TNS1: variants seen among roughly 807,000 people sequenced by gnomAD.
The protein encoded by TNS1 is tensin-1.
In TNS1, 62 loss-of-function variants were observed where a neutral mutation model predicts 168.6. The observed-to-expected ratio is 0.37, with a 90% CI of 0.30 to 0.45. The LOEUF (loss-of-function observed/expected upper bound fraction) is 0.45, where lower values mean the gene tolerates loss of function less well. TNS1 is among the 20% of genes least tolerant of loss of function. The probability of loss-of-function intolerance (pLI) is 1.00; values close to 1 mark genes in which losing one functional copy is unlikely to be tolerated. For synonymous variants in TNS1, 934 were observed against 933.2 expected (o/e 1.00, Z -0.02); for missense variants, 2,240 against 2,339.4 (o/e 0.96, Z 0.88).
intron 18 of TNS1, among the ~76,000 whole-genome samples, chr2:217,877,218 T>C (rs777928043): frequency 3.9e-5 from 6 of 152,090 alleles, no homozygotes; most frequent in Admixed American, 6.5e-5. Context: ...CGTCCCACCA[T>C]AAACGGGCTT....
Position 218,032,638 on chromosome 2 carries a change from C to A in TNS1, c.156+1182G>T, listed in dbSNP as rs1256324332. Among the ~76,000 whole-genome samples, 1 of 152,118 alleles carries A rather than the reference C, an allele frequency of 6.6e-6. No individual in the cohort carries two copies. The highest frequency in any genetic ancestry group is 1.5e-5 in the Non-Finnish European group (1 of 67,994). On this transcript the variant is annotated intron_variant, in intron 1 of 1. Transcript: ENST00000649572. The surrounding 1 kb of genome is among the most constrained non-coding windows in gnomAD (Gnocchi z 4.0). ...AGCACCCAGGAGATGTTTATCTGCC[C>A]CAAGAACGAGGGTATCACCCCTCCT...
chr2:217,889,303 T>C (rs73078315), intron 12 of TNS1, among the ~76,000 whole-genome samples: 2 of 152,206 alleles, frequency 1.3e-5, no homozygotes, highest in Non-Finnish European at 2.9e-5. Context: ...ATGGCGGGAA[T>C]AGCCCCCAGC....
At chr2:217,988,927 T>C (rs895209044) in intron 2 of TNS1, among the ~76,000 whole-genome samples, 45 of 152,146 alleles carry the variant, frequency 3.0e-4, no homozygotes, top group South Asian at 2.1e-4. Context: ...GTGCTTGGTA[T>C]GCAGTAAGCG....
chr2:217,886,846 G>A (rs540447632), intron 12 of TNS1, among the ~76,000 whole-genome samples, 200 bp from the exon 13 acceptor site: 3 of 152,236 alleles, frequency 2.0e-5, no homozygotes, highest in Admixed American at 6.5e-5. Flanking sequence ...GGAAGAGTGA[G>A]CAGGTATACC....
At chr2:217,812,315 A>G in intron 28 of TNS1, 53 bp downstream of exon 28, 1 of 1,513,802 alleles carries the variant, frequency 6.6e-7, no homozygotes, top group Non-Finnish European at 9.1e-7. Flanking sequence ...TCAAGACATG[A>G]CAAGGGCCAG....
At chr2:217,865,149 TC>T (rs1423629519) in intron 18 of TNS1, among the ~76,000 whole-genome samples, 5 of 151,970 alleles carry the variant, frequency 3.3e-5, no homozygotes, top group African/African-American at 1.2e-4. Flanking sequence ...AGTCAAGGGG[TC>T]CCTGTGGCTC....
intron 4 of TNS1, among the ~76,000 whole-genome samples, chr2:217,919,944 G>A (rs1201680283): frequency 6.6e-6 from 1 of 152,308 alleles, no homozygotes; most frequent in East Asian, 1.9e-4. Flanking sequence ...CACACAAGAT[G>A]CCCTTTTATG....
chr2:217,983,220 C>T (rs1209143648), intron 2 of TNS1, among the ~76,000 whole-genome samples: 1 of 152,150 alleles, frequency 6.6e-6, no homozygotes, highest in African/African-American at 2.4e-5. Context: ...AGCAGGAAAA[C>T]CCCAGCCTTC....
chr2:217,822,893 C>A (rs1236619090), intron 22 of TNS1, among the ~76,000 whole-genome samples: 1 of 152,228 alleles, frequency 6.6e-6, no homozygotes, highest in Admixed American at 6.5e-5. Context: ...TACCCCGGGC[C>A]ATGATCCGGG....
chr2:217,978,638 A>C, intron 3 of TNS1, 127 bp downstream of exon 3: 4 of 549,520 alleles, frequency 7.3e-6, no homozygotes, highest in East Asian at 3.3e-5. Context: ...CGCTTTGCAT[A>C]AACAAAGAGA....
intron 18 of TNS1, among the ~76,000 whole-genome samples, chr2:217,874,155 T>C (rs1950017384): frequency 6.6e-6 from 1 of 151,464 alleles, no homozygotes; most frequent in South Asian, 2.1e-4. Context: ...TACCTGAGAG[T>C]GGCTAGAAAA....
chr2:217,885,267 C>A, intron 15 of TNS1, 103 bp from the exon 16 acceptor site: 1 of 1,503,184 alleles, frequency 6.7e-7, no homozygotes. Context: ...CCAAGGCTCA[C>A]CCCAAACCCG....
At chr2:217,946,852 A>G (rs1957118066) in intron 3 of TNS1, among the ~76,000 whole-genome samples, 1 of 151,892 alleles carries the variant, frequency 6.6e-6, no homozygotes, top group Non-Finnish European at 1.5e-5. Flanking sequence ...TTCACAGAAA[A>G]AGAGCAGCTT....
At chr2:217,965,191 G>T (rs536228308) in intron 3 of TNS1, among the ~76,000 whole-genome samples, 78 of 152,274 alleles carry the variant, frequency 5.1e-4, no homozygotes, top group Non-Finnish European at 9.1e-4. Flanking sequence ...GGGGCACTTA[G>T]CTCTTTATTA....
intron 22 of TNS1, among the ~76,000 whole-genome samples, chr2:217,830,676 G>C (rs1944289278): frequency 6.6e-6 from 1 of 152,246 alleles, no homozygotes; most frequent in African/African-American, 2.4e-5. Context: ...GGGAGGCCGA[G>C]CAGCCATCCT....
intron 3 of TNS1, among the ~76,000 whole-genome samples, chr2:217,957,065 C>T (rs1156319955): frequency 2.6e-5 from 4 of 152,270 alleles, no homozygotes; most frequent in East Asian, 1.9e-4. Context: ...GCTGGGGGCA[C>T]GAGGAGTAGG....
At position 217,995,912 on chromosome 2, in the gene TNS1, C is replaced by T. The variant is rs1307837832; in HGVS notation, c.34-4856G>A. Among the ~76,000 whole-genome samples the T allele has an allele frequency of 1.3e-5, 2 of 152,210 alleles. No individual in the cohort carries two copies. Among genetic ancestry groups the T allele is most frequent in the African/African-American group, 4.8e-5 (2 of 41,452 alleles). On this transcript the variant is annotated intron_variant, in intron 1 of 32. Transcript: ENST00000682258. The surrounding 1 kb of genome is among the most constrained non-coding windows in gnomAD (Gnocchi z 4.1). ...AGCCCACCCAGCATCAGAGGGCTTT[C>T]GTGGCCCTCGGGGCTTCCTCTCCCT...
intron 6 of TNS1, among the ~76,000 whole-genome samples, chr2:217,904,841 T>C (rs1953466756): frequency 6.6e-6 from 1 of 152,214 alleles, no homozygotes; most frequent in Admixed American, 6.5e-5. Flanking sequence ...AGGATGTGGC[T>C]CCTGAGTGTG....
Position 217,995,185 on chromosome 2 carries a change from G to A in TNS1, c.34-4129C>T, listed in dbSNP as rs972598607. Among the ~76,000 whole-genome samples, 1 of 152,158 alleles carries A rather than the reference G, an allele frequency of 6.6e-6. No individual in the cohort carries two copies. The highest frequency in any genetic ancestry group is 2.4e-5 in the African/African-American group (1 of 41,428). On this transcript the variant is annotated intron_variant, in intron 1 of 32. Transcript: ENST00000682258. This position sits in a 1 kb window ranked among gnomAD's most constrained non-coding sequence, Gnocchi z 4.1. ...CTAGCTCTGCCACCTCCAGGCAAGT[G>A]GCCCCCAGGCTCTGCTGGCATCCAC... is the stretch of plus-strand genomic sequence containing the variant.
Sources: gnomAD v4.1 joint callset for allele counts (sites outside exome capture counted in the v4.1 genomes callset) on GRCh38, gnomAD v4.1.1 for gene constraint, Gnocchi (gnomAD v3.1) non-coding constraint, MANE v1.5 for transcripts, NCBI Gene and HGNC (gene_info 2026-07-23, HGNC 2026-07-21) for gene names.